Variants in PSD3 observed in about 807,000 individuals in gnomAD.
PSD3 encodes pleckstrin and Sec7 domain containing 3, also known as PH and SEC7 domain-containing protein 3.
In PSD3, 49 loss-of-function variants were observed where a neutral mutation model predicts 105.5. The ratio of observed to expected loss-of-function variants is 0.46; its 90% CI spans 0.37 to 0.59. The LOEUF is 0.59. Among genes scored for constraint, PSD3 ranks in the 20% least tolerant of loss-of-function variants. The probability of loss-of-function intolerance (pLI) is 0.00; values close to 1 mark genes in which losing one functional copy is unlikely to be tolerated. For missense variants in PSD3, 1,561 were observed against 1,263.8 expected, an observed-to-expected ratio of 1.24 and a Z score of -3.57; for synonymous variants, 557 against 457.8, an observed-to-expected ratio of 1.22 and a Z score of -2.77.
chr8:18,981,299 A>G (rs1825240991), intron 1 of PSD3, among the ~76,000 whole-genome samples: 1 of 152,164 alleles, frequency 6.6e-6, no homozygotes, highest in Non-Finnish European at 1.5e-5. Flanking sequence ...TCACCCCCCA[A>G]CACACATACA....
chr8:18,846,643 T>C (rs1815112925), intron 4 of PSD3, among the ~76,000 whole-genome samples: 2 of 152,120 alleles, frequency 1.3e-5, no homozygotes, highest in Non-Finnish European at 1.5e-5. Context: ...TTCAAACATC[T>C]TGTGGTAACC....
chr8:18,808,776 G>C, intron 4 of PSD3: 1 of 1,613,996 alleles, frequency 6.2e-7, no homozygotes, highest in Non-Finnish European at 8.5e-7. Flanking sequence ...CAGACACCAA[G>C]AAGAGCCCAT....
chr8:18,600,167 C>A (rs966474126), intron 12 of PSD3, among the ~76,000 whole-genome samples, 197 bp downstream of exon 12: 2 of 152,178 alleles, frequency 1.3e-5, no homozygotes, highest in African/African-American at 4.8e-5. Flanking sequence ...GATTTCATTA[C>A]GCTACTGAGA....
chr8:18,666,081 G>C (rs1381950499), intron 9 of PSD3, among the ~76,000 whole-genome samples: 1 of 152,028 alleles, frequency 6.6e-6, no homozygotes, highest in Admixed American at 6.5e-5. Flanking sequence ...AGACAGTCTT[G>C]TGTGTCACCC....
intron 1 of PSD3, among the ~76,000 whole-genome samples, chr8:19,082,929 C>T (rs568648756): frequency 6.6e-6 from 1 of 152,150 alleles, no homozygotes; most frequent in Non-Finnish European, 1.5e-5. Context: ...GCTTTCTCCC[C>T]GTTTCTTAAC....
intron 4 of PSD3, among the ~76,000 whole-genome samples, chr8:18,858,493 T>G (rs1330394121): frequency 6.6e-6 from 1 of 152,220 alleles, no homozygotes; most frequent in Non-Finnish European, 1.5e-5. Flanking sequence ...TGGACTCTTC[T>G]TTTCACAAAA....
At chr8:18,686,959 C>A (rs1800693524) in intron 9 of PSD3, among the ~76,000 whole-genome samples, 2 of 152,118 alleles carry the variant, frequency 1.3e-5, no homozygotes, top group Admixed American at 1.3e-4. Context: ...AACAGCAGCC[C>A]AGCTCCACCC....
At chr8:18,984,011 TAAAAA>T (rs66481672) in intron 1 of PSD3, among the ~76,000 whole-genome samples, 1 of 132,624 alleles carries the variant, frequency 7.5e-6, no homozygotes, top group Non-Finnish European at 1.6e-5. Context: ...TCTCATTATT[TAAAAA>T]AAAAAAAAAA....
At chr8:19,069,155 A>G (rs1829173395) in intron 1 of PSD3, among the ~76,000 whole-genome samples, 1 of 152,210 alleles carries the variant, frequency 6.6e-6, no homozygotes, top group Non-Finnish European at 1.5e-5. Context: ...CGTGAATGCA[A>G]ATGTCATTAA....
intron 4 of PSD3, among the ~76,000 whole-genome samples, chr8:18,845,176 G>C (rs763143334): frequency 1.3e-5 from 2 of 152,176 alleles, no homozygotes; most frequent in Non-Finnish European, 2.9e-5. Context: ...CTACCATTCT[G>C]ATTTGAGATT....
intron 1 of PSD3, among the ~76,000 whole-genome samples, chr8:18,990,868 G>T (rs1489317965): frequency 6.6e-6 from 1 of 152,170 alleles, no homozygotes; most frequent in African/African-American, 2.4e-5. Flanking sequence ...GTCATGCAGT[G>T]ATCTCAGTTT....
chr8:18,757,734 AT>A (rs1295993462), intron 9 of PSD3, among the ~76,000 whole-genome samples: 3 of 152,232 alleles, frequency 2.0e-5, no homozygotes, highest in African/African-American at 4.8e-5. Context: ...TTCTTCAAAT[AT>A]CCAGAGTAAA....
At chr8:18,946,848 T>C (rs1822889400) in intron 1 of PSD3, among the ~76,000 whole-genome samples, 1 of 151,364 alleles carries the variant, frequency 6.6e-6, no homozygotes, top group African/African-American at 2.4e-5. Flanking sequence ...AAGGTTGCAG[T>C]GAGCTGAGAT....
intron 4 of PSD3, chr8:18,865,121 G>A (rs1366731096): frequency 2.0e-5 from 3 of 150,330 alleles, no homozygotes; most frequent in South Asian, 2.1e-4. Context: ...GAATGAATCC[G>A]GCCTAGGAGC....
chr8:18,916,345 T>C (rs375693572), intron 2 of PSD3, among the ~76,000 whole-genome samples: 14,259 of 48,638 alleles, frequency 0.29, 2,151 homozygotes, highest in African/African-American at 0.42. Context: ...TATATATATA[T>C]ATATACACAC....
intron 4 of PSD3, among the ~76,000 whole-genome samples, chr8:18,823,771 TAAACACACTCAC>T (rs1812938876): frequency 9.0e-6 from 1 of 111,396 alleles, no homozygotes; most frequent in South Asian, 3.4e-4. Context: ...TGCTTTATCT[TAAACACACTCAC>T]ACACACACAC....
At chr8:18,957,741 G>A (rs1823667734) in intron 1 of PSD3, among the ~76,000 whole-genome samples, 1 of 152,208 alleles carries the variant, frequency 6.6e-6, no homozygotes, top group African/African-American at 2.4e-5. Context: ...AGGTTCTTAT[G>A]AGGCTCTCTA....
intron 2 of PSD3, among the ~76,000 whole-genome samples, chr8:18,916,343 TATATATAC>T (rs1409184781): frequency 2.1e-4 from 10 of 46,740 alleles, no homozygotes; most frequent in East Asian, 5.3e-4. Context: ...TATATATATA[TATATATAC>T]ACACACACAC....
intron 2 of PSD3, among the ~76,000 whole-genome samples, chr8:18,893,413 G>A (rs940782581): frequency 7.2e-5 from 11 of 152,194 alleles, no homozygotes; most frequent in African/African-American, 2.4e-4. Flanking sequence ...AGAAGGGCTC[G>A]ATAAACTGTA....
Sources: gnomAD v4.1 joint callset for allele counts (sites outside exome capture counted in the v4.1 genomes callset) on GRCh38, gnomAD v4.1.1 for gene constraint, MANE v1.5 for transcripts, NCBI Gene and HGNC (gene_info 2026-07-23, HGNC 2026-07-21) for gene names.